The following TENM3 variants were observed in gnomAD, a reference collection of about 807,000 sequenced individuals.
The protein encoded by TENM3 is teneurin-3.
A neutral mutation model predicts 255.1 loss-of-function variants in TENM3; 63 were observed. The ratio of observed to expected loss-of-function variants is 0.25; its 90% confidence interval spans 0.20 to 0.30. The LOEUF (loss-of-function observed/expected upper bound fraction) is 0.30, where lower values mean the gene tolerates loss of function less well. TENM3 is among the 10% of genes least tolerant of loss of function. The pLI, the probability that TENM3 is intolerant of heterozygous loss-of-function variation, is 1.00. For synonymous variants in TENM3, 1,306 were observed against 1,322.3 expected (o/e 0.99, Z 0.27); for missense variants, 2,929 against 3,461.1 (o/e 0.85, Z 3.86).
At chr4:181,843,557 T>C in the TENM3 span, among the ~76,000 whole-genome samples, 1 of 152,236 alleles carries the variant, frequency 6.6e-6, no homozygotes, top group Non-Finnish European at 1.5e-5. Flanking sequence ...TTTATGAAAT[T>C]TACAGAAGAT....
the TENM3 span, among the ~76,000 whole-genome samples, chr4:182,069,210 T>C: frequency 5.9e-5 from 9 of 152,140 alleles, no homozygotes; most frequent in Non-Finnish European, 8.8e-5. Flanking sequence ...AAAAAGAGAA[T>C]AATAAACAAG....
upstream of TENM3, chr4:182,143,888 A>T (rs1316334039): frequency 1.3e-5 from 2 of 152,662 alleles, no homozygotes; most frequent in South Asian, 2.1e-4. The surrounding 1 kb of genome is among the most constrained non-coding windows in gnomAD (Gnocchi z 4.3). Context: ...TGGTCACAGC[A>T]TGGGAGCCTC....
chr4:181,637,225 C>CA, the TENM3 span, among the ~76,000 whole-genome samples: 4 of 151,904 alleles, frequency 2.6e-5, no homozygotes, highest in African/African-American at 7.3e-5. Flanking sequence ...ATAACAACAA[C>CA]AAAAAAAACT....
At chr4:181,704,740 G>A in the TENM3 span, among the ~76,000 whole-genome samples, 1 of 151,948 alleles carries the variant, frequency 6.6e-6, no homozygotes, top group Admixed American at 6.6e-5. Flanking sequence ...AGTGATAAAG[G>A]AGAGACCCCT....
intron 3 of TENM3, among the ~76,000 whole-genome samples, chr4:182,386,632 G>C (rs1340224128): frequency 6.8e-6 from 1 of 147,654 alleles, no homozygotes; most frequent in African/African-American, 2.4e-5. Flanking sequence ...GTGGGCGTGG[G>C]CTTGGCGGGC....
At chr4:182,240,897 C>T (rs1323825361), upstream of TENM3, among the ~76,000 whole-genome samples, 2 of 152,350 alleles carry the variant, frequency 1.3e-5, no homozygotes, top group South Asian at 4.1e-4. Context: ...GATCTGGCCT[C>T]TGAGGCCCCT....
chr4:182,106,908 A>T, the TENM3 span, among the ~76,000 whole-genome samples: 1 of 152,136 alleles, frequency 6.6e-6, no homozygotes, highest in Non-Finnish European at 1.5e-5. Context: ...AAAACTTGGA[A>T]TATTGAAGAA....
chr4:181,594,170 T>C, the TENM3 span, among the ~76,000 whole-genome samples: 5 of 152,306 alleles, frequency 3.3e-5, no homozygotes, highest in East Asian at 5.8e-4. Flanking sequence ...AGAAAACTTA[T>C]TATGCTTTTT....
At chr4:181,761,118 T>C in the TENM3 span, among the ~76,000 whole-genome samples, 1 of 152,100 alleles carries the variant, frequency 6.6e-6, no homozygotes, top group African/African-American at 2.4e-5. Context: ...ATATTGTCAG[T>C]TGCTTAGTCA....
chr4:181,544,164 C>T, the TENM3 span, among the ~76,000 whole-genome samples: 2 of 151,808 alleles, frequency 1.3e-5, no homozygotes, highest in African/African-American at 4.8e-5. Flanking sequence ...TGCAAATAAC[C>T]AATGGTGGCA....
At chr4:182,082,419 A>G in the TENM3 span, among the ~76,000 whole-genome samples, 1 of 152,330 alleles carries the variant, frequency 6.6e-6, no homozygotes, top group East Asian at 1.9e-4. Context: ...AGGGACACAA[A>G]CATTCAGACC....
chr4:181,605,568 A>AAGAGAGAGAG, the TENM3 span, among the ~76,000 whole-genome samples: 2 of 42,164 alleles, frequency 4.7e-5, no homozygotes, highest in East Asian at 6.3e-4. Context: ...GAAAGAAAGA[A>AAGAGAGAGAG]AGAGAGAGAA....
intron 6 of TENM3, among the ~76,000 whole-genome samples, chr4:182,654,265 G>A (rs535060124): frequency 6.6e-6 from 1 of 152,076 alleles, no homozygotes; most frequent in African/African-American, 2.4e-5. Context: ...TTGGAACACT[G>A]TATTAATTTT....
At chr4:182,415,934 A>G (rs1035545734) in intron 3 of TENM3, among the ~76,000 whole-genome samples, 6 of 152,144 alleles carry the variant, frequency 3.9e-5, no homozygotes, top group African/African-American at 1.4e-4. Flanking sequence ...ATCCTGAGAC[A>G]CCTTATAATA....
the TENM3 span, among the ~76,000 whole-genome samples, chr4:181,581,461 C>CAAA: frequency 3.3e-5 from 5 of 151,964 alleles, no homozygotes; most frequent in Non-Finnish European, 5.9e-5. Flanking sequence ...CAAAACAAAA[C>CAAA]AAAACAAACA....
At chr4:182,177,099 C>G (rs1034539971) in intron 1 of TENM3, among the ~76,000 whole-genome samples, 3 of 152,012 alleles carry the variant, frequency 2.0e-5, no homozygotes, top group African/African-American at 4.8e-5. Flanking sequence ...TGAGATGAGC[C>G]TGTAAGCACC....
chr4:182,142,018 T>A (rs559141229), upstream of TENM3: 1 of 152,340 alleles, frequency 6.6e-6, no homozygotes, highest in South Asian at 2.1e-4. Flanking sequence ...GCCACAAAAG[T>A]GCTTTATGAA....
intron 1 of TENM3, among the ~76,000 whole-genome samples, chr4:182,222,799 G>A (rs2726816): frequency 0.6 from 91,148 of 152,080 alleles, 27,650 homozygotes; most frequent in Admixed American, 0.62. Context: ...GCCTTCTGCA[G>A]TTCTTTGTCT....
At chr4:181,845,177 C>G in the TENM3 span, among the ~76,000 whole-genome samples, 1 of 151,980 alleles carries the variant, frequency 6.6e-6, no homozygotes, top group Non-Finnish European at 1.5e-5. Flanking sequence ...TTTTTCTATC[C>G]TTTTCAAAAC....
Sources: allele counts gnomAD v4.1 joint callset (sites outside exome capture counted in the v4.1 genomes callset), GRCh38; gene constraint gnomAD v4.1.1; non-coding constraint Gnocchi (gnomAD v3.1); transcripts MANE v1.5; gene names NCBI Gene and HGNC (gene_info 2026-07-23, HGNC 2026-07-21).